NALCN: variants seen among roughly 807,000 people sequenced by gnomAD.
NALCN encodes the protein sodium leak channel, non-selective.
NALCN carries 111 observed loss-of-function variants against 225.3 expected under a neutral mutation model. That is an observed-to-expected ratio of 0.49 (90% confidence interval 0.42 to 0.58). NALCN has a LOEUF of 0.58. Ranked by LOEUF, NALCN falls within the 20% of genes least tolerant of loss-of-function variation. The pLI is 0.00. For missense variants in NALCN, 1,378 were observed against 2,202.4 expected (o/e 0.63, Z 7.49); for synonymous variants, 764 against 769.0 (o/e 0.99, Z 0.11).
chr13:101,076,403 G>A (rs1028660017), intron 34 of NALCN, among the ~76,000 whole-genome samples: 2 of 152,202 alleles, frequency 1.3e-5, no homozygotes, highest in East Asian at 1.9e-4. Context: ...ATTTCAGAGA[G>A]GTCCTCCCTG....
chr13:101,165,727 C>T (rs147970490), intron 15 of NALCN, among the ~76,000 whole-genome samples: 4 of 152,342 alleles, frequency 2.6e-5, no homozygotes, highest in Admixed American at 2.6e-4. Context: ...GTGCTTACCT[C>T]GGCCTCCTAA....
intron 10 of NALCN, among the ~76,000 whole-genome samples, chr13:101,270,530 T>C (rs879902435): frequency 6.6e-6 from 1 of 152,230 alleles, no homozygotes; most frequent in Non-Finnish European, 1.5e-5. Flanking sequence ...ACCTCACTTG[T>C]GATATTTAAT....
chr13:101,401,829 A>C (rs1380293195), intron 1 of NALCN, among the ~76,000 whole-genome samples: 1 of 152,194 alleles, frequency 6.6e-6, no homozygotes, highest in East Asian at 1.9e-4. Flanking sequence ...ATAAAAACTC[A>C]ACAACTAGCT....
chr13:101,331,412 G>A (rs2045166384), intron 7 of NALCN, among the ~76,000 whole-genome samples: 1 of 152,090 alleles, frequency 6.6e-6, no homozygotes, highest in Non-Finnish European at 1.5e-5. Context: ...TTGAAAATTC[G>A]ATAAATAAAT....
At chr13:101,169,563 C>T (rs1323255085) in intron 15 of NALCN, among the ~76,000 whole-genome samples, 2 of 152,136 alleles carry the variant, frequency 1.3e-5, no homozygotes, top group Non-Finnish European at 2.9e-5. Context: ...CTTTGAATAC[C>T]CACAGGGAGA....
intron 19 of NALCN, 42 bp downstream of exon 19, chr13:101,111,083 C>A: frequency 6.3e-7 from 1 of 1,575,536 alleles, no homozygotes. Flanking sequence ...TAAAACCCCC[C>A]TTTTTTAGAG....
intron 7 of NALCN, among the ~76,000 whole-genome samples, chr13:101,307,921 A>G (rs2044206593): frequency 6.6e-6 from 1 of 152,246 alleles, no homozygotes; most frequent in African/African-American, 2.4e-5. Flanking sequence ...CTGTTAGGTA[A>G]ATCAGAACAA....
intron 15 of NALCN, among the ~76,000 whole-genome samples, chr13:101,172,652 CGGGTT>C (rs1298120023): frequency 6.6e-6 from 1 of 152,138 alleles, no homozygotes; most frequent in East Asian, 1.9e-4. Context: ...CTCCGCCTCC[CGGGTT>C]TACGCCATTC....
At chr13:101,076,355 C>T (rs887211268) in intron 34 of NALCN, among the ~76,000 whole-genome samples, 1 of 152,174 alleles carries the variant, frequency 6.6e-6, no homozygotes, top group African/African-American at 2.4e-5. Flanking sequence ...ATTCTAGACA[C>T]CACTGAAGAA....
intron 22 of NALCN, among the ~76,000 whole-genome samples, chr13:101,105,346 T>C (rs1367300288): frequency 6.6e-6 from 1 of 152,198 alleles, no homozygotes; most frequent in Non-Finnish European, 1.5e-5. Context: ...TACTCCATAA[T>C]TTAAATAGAC....
At chr13:101,321,636 C>A (rs1446379824) in intron 7 of NALCN, among the ~76,000 whole-genome samples, 1 of 152,118 alleles carries the variant, frequency 6.6e-6, no homozygotes, top group Non-Finnish European at 1.5e-5. Context: ...AGTAATCACA[C>A]ACACACAAAA....
chr13:101,116,550 T>C (rs1195986906), intron 18 of NALCN: 2 of 516,176 alleles, frequency 3.9e-6, no homozygotes, highest in Non-Finnish European at 7.7e-6. Context: ...ATGTCTTCTT[T>C]CTTAATGTCC....
At chr13:101,258,137 G>A (rs899947068) in intron 11 of NALCN, among the ~76,000 whole-genome samples, 2 of 152,028 alleles carry the variant, frequency 1.3e-5, no homozygotes, top group African/African-American at 4.8e-5. Context: ...ACTAATGTAC[G>A]CTGAGAAAGG....
chr13:101,136,513 TCTCATTGTTCAGTTCCCAC>T (rs2036803891), intron 17 of NALCN, among the ~76,000 whole-genome samples: 1 of 148,920 alleles, frequency 6.7e-6, no homozygotes, highest in Non-Finnish European at 1.5e-5. Flanking sequence ...GTCCAAGTGT[TCTCATTGTTCAGTTCCCAC>T]CTATGAGTGA....
At chr13:101,199,359 C>T (rs970099272) in intron 13 of NALCN, among the ~76,000 whole-genome samples, 3 of 151,182 alleles carry the variant, frequency 2.0e-5, no homozygotes, top group African/African-American at 7.3e-5. Flanking sequence ...CATATGTTTA[C>T]TGTGGCACTA....
intron 14 of NALCN, among the ~76,000 whole-genome samples, chr13:101,184,200 T>C (rs984443508): frequency 6.6e-6 from 1 of 152,224 alleles, no homozygotes; most frequent in African/African-American, 2.4e-5. Flanking sequence ...ATGTTTAGCA[T>C]TGACAATGCA....
At chr13:101,281,372 C>A (rs1055935602) in intron 10 of NALCN, among the ~76,000 whole-genome samples, 3 of 152,104 alleles carry the variant, frequency 2.0e-5, no homozygotes, top group Non-Finnish European at 4.4e-5. Context: ...TCAAGACTAT[C>A]TTAGTGTCTA....
chr13:101,071,121 T>C (rs1187995159), intron 37 of NALCN, among the ~76,000 whole-genome samples: 1 of 152,084 alleles, frequency 6.6e-6, no homozygotes, highest in African/African-American at 2.4e-5. Context: ...CCACGACACA[T>C]GGAGATTAAG....
At chr13:101,347,948 T>C (rs1199399859) in intron 6 of NALCN, among the ~76,000 whole-genome samples, 1 of 152,128 alleles carries the variant, frequency 6.6e-6, no homozygotes, top group Admixed American at 6.6e-5. Context: ...AAAGACTTGT[T>C]AAAAGAGGAG....
Sources: gnomAD v4.1 joint callset for allele counts (sites outside exome capture counted in the v4.1 genomes callset) on GRCh38, gnomAD v4.1.1 for gene constraint, MANE v1.5 for transcripts, NCBI Gene and HGNC (gene_info 2026-07-23, HGNC 2026-07-21) for gene names.